ERCC8: variants seen among roughly 807,000 people sequenced by gnomAD.
ERCC8 encodes DNA excision repair protein ERCC-8.
In ERCC8, 52 loss-of-function variants were observed where a neutral mutation model predicts 54.9. The observed-to-expected ratio is 0.95, with a 90% confidence interval of 0.76 to 1.19. The LOEUF is 1.19. Among genes scored for constraint, ERCC8 ranks in the 50% most tolerant of loss-of-function variants. The pLI, the probability that ERCC8 is intolerant of heterozygous loss-of-function variation, is 0.00. For missense variants in ERCC8, 514 were observed against 466.1 expected (o/e 1.10, Z -0.95); for synonymous variants, 146 against 157.2 (o/e 0.93, Z 0.53).
At chr5:60,934,897 T>G (rs1480679248) in intron 1 of ERCC8, among the ~76,000 whole-genome samples, 1 of 152,224 alleles carries the variant, frequency 6.6e-6, no homozygotes, top group Non-Finnish European at 1.5e-5. Flanking sequence ...TACTTGTGGG[T>G]TCTCCACTCT....
chr5:60,932,500 CTCTAATGAGCT>C (rs747315380), intron 1 of ERCC8, among the ~76,000 whole-genome samples: 6 of 152,160 alleles, frequency 3.9e-5, no homozygotes, highest in Non-Finnish European at 5.9e-5. Context: ...AACATTGAGT[CTCTAATGAGCT>C]TCCCTGATAG....
chr5:60,899,377 G>A (rs1347374313), intron 8 of ERCC8, among the ~76,000 whole-genome samples: 1 of 151,922 alleles, frequency 6.6e-6, no homozygotes, highest in Non-Finnish European at 1.5e-5. Flanking sequence ...AGTAAAGCAA[G>A]TTAATTCACA....
intron 2 of ERCC8, chr5:60,924,258 A>G (rs920234836): frequency 6.6e-6 from 1 of 152,604 alleles, no homozygotes; most frequent in Non-Finnish European, 1.5e-5. Flanking sequence ...ACATTTATAT[A>G]AAGTGTTGCT....
chr5:60,939,643 C>T (rs771877637), intron 1 of ERCC8, among the ~76,000 whole-genome samples: 108 of 151,946 alleles, frequency 7.1e-4, no homozygotes, highest in African/African-American at 2.3e-3. Context: ...TGCCACCGCA[C>T]CCGGAGCACG....
intron 11 of ERCC8, among the ~76,000 whole-genome samples, chr5:60,883,149 A>G (rs1748295333): frequency 6.6e-6 from 1 of 152,238 alleles, no homozygotes; most frequent in South Asian, 2.1e-4. Flanking sequence ...TTATTTTTGT[A>G]TGGTAAGCAA....
At position 60,890,957 on chromosome 5, in the gene ERCC8, C is replaced by T. The variant is rs1029101745; in HGVS notation, c.973G>A (p.Glu325Lys). The stretch of plus-strand genomic sequence containing the variant: ...TGTCCCTTAAGCATAGTTATCTGTT[C>T]TCCTGAGTAAACTGTATAAACAGCA... ...TIAVYTVYSG[E>K]QITMLKGHYK... The change falls in exon 10 of 12, where the codon GAA becomes AAA. Residue 325 changes from glutamate to lysine, a missense_variant. Transcript: ENST00000676185. The T allele has an allele frequency of 7.4e-6, 12 of 1,613,416 alleles. No individual in the cohort carries two copies. The African/African-American group carries it at 1.5e-4, about 20-fold the overall frequency.
chr5:60,910,905 C>T (rs1749238380), intron 4 of ERCC8, among the ~76,000 whole-genome samples: 2 of 151,880 alleles, frequency 1.3e-5, no homozygotes, highest in African/African-American at 4.8e-5. Context: ...CAATGTTGAA[C>T]AGAGGAAATA....
chr5:60,888,014 C>T (rs948359792), intron 10 of ERCC8, among the ~76,000 whole-genome samples: 4 of 152,162 alleles, frequency 2.6e-5, no homozygotes, highest in Admixed American at 2.6e-4. Flanking sequence ...GAGAAGTTTA[C>T]TTCATAAGGG....
chr5:60,881,475 C>T (rs4546327), intron 11 of ERCC8, among the ~76,000 whole-genome samples: 19,831 of 152,126 alleles, frequency 0.13, 1,638 homozygotes, highest in African/African-American at 0.23. Context: ...CTACAGAGGC[C>T]GGCAGGCCTC....
At chr5:60,913,573 TTTTGGTGACTCTA>T (rs767017619) in intron 4 of ERCC8, among the ~76,000 whole-genome samples, 94 of 152,268 alleles carry the variant, frequency 6.2e-4, no homozygotes, top group Non-Finnish European at 1.2e-3. Flanking sequence ...TTTGAAGGGT[TTTTGGTGACTCTA>T]CTTCCTTCAG....
At position 60,873,085 on chromosome 5, in the gene ERCC8, C is replaced by A. The variant is rs1016364866; in HGVS notation, c.*1530G>T. ...AAAAGGGGGAATTAGTGCAAGAGAC[C>A]TATTGCACAACATAGTAACTATAGT... On this transcript the variant is annotated 3_prime_UTR_variant, in exon 12 of 12. Transcript: ENST00000676185. 6.6e-6 allele frequency among the ~76,000 whole-genome samples: 1 copy of A among 152,020 alleles called. No individual in the cohort carries two copies. The highest frequency in any genetic ancestry group is 2.4e-5 in the African/African-American group (1 of 41,380).
rs115033096 is a variant in ERCC8 at position 60,929,190 on chromosome 5, C to T, written c.78-231G>A. The stretch of plus-strand genomic sequence containing the variant: ...AGGTATTTAAAGACGGAAATTTGTA[C>T]GAAAAAAGTTAAATTCTGATAAATG... On this transcript the variant is annotated intron_variant, in intron 1 of 11. Transcript: ENST00000676185. Among the ~76,000 whole-genome samples the T allele has an allele frequency of 5.1e-3, 773 of 151,828 alleles. 10 individuals are homozygous for T. The highest frequency in any genetic ancestry group is 0.018 in the African/African-American group (753 of 41,366).
intron 6 of ERCC8, among the ~76,000 whole-genome samples, chr5:60,902,726 T>C (rs1748939510): frequency 6.6e-6 from 1 of 152,022 alleles, no homozygotes; most frequent in South Asian, 2.1e-4. Flanking sequence ...AAGAACTGGT[T>C]TTGCTTTGGA....
rs1225820585 is a variant in ERCC8 at position 60,869,347 on chromosome 5, A to G, written c.*5268T>C. On this transcript the variant is annotated 3_prime_UTR_variant, in exon 12 of 12. Coordinates refer to ENST00000676185, the MANE Select transcript of ERCC8 (RefSeq NM_000082.4). Reference sequence around the variant, plus strand: ...TAATTGAGATTAGTTTGCTGATGCAATATTTTTCTACCACTGTCTCATTTC... The same window carrying G: ...TAATTGAGATTAGTTTGCTGATGCAGTATTTTTCTACCACTGTCTCATTTC... Among the ~76,000 whole-genome samples, 2 of 152,164 alleles carry G rather than the reference A, an allele frequency of 1.3e-5. No homozygotes were observed. Among genetic ancestry groups the G allele is most frequent in the Non-Finnish European group, 2.9e-5 (2 of 68,020 alleles).
chr5:60,884,525 T>C (rs1181775314), intron 11 of ERCC8, among the ~76,000 whole-genome samples: 2 of 61,702 alleles, frequency 3.2e-5, no homozygotes, highest in East Asian at 8.1e-3. Flanking sequence ...GTGTATGTGT[T>C]TTTTTTTTTT....
rs199968351 is a variant in ERCC8, at chr5:60,945,011, C to A, written c.-3G>T. 1 of 1,613,364 alleles carries A rather than the reference C, an allele frequency of 6.2e-7. No homozygotes were observed. The highest frequency in any genetic ancestry group is 2.2e-5 in the East Asian group (1 of 44,858). On this transcript the variant is annotated 5_prime_UTR_variant, in exon 1 of 12. Transcript: ENST00000676185. ...CGTGCGGACAAAAACCCCAGCATAT[C>A]GTGTCCTCACACCGGCTGGAGCACT...
chr5:60,904,648 AT>A lies in ERCC8; in HGVS notation c.481+143del. 4.7e-5 allele frequency: 4 copies of A among 85,924 alleles called. 2 individuals carry two copies. Among genetic ancestry groups the A allele is most frequent in the African/African-American group, 1.4e-4 (2 of 14,232 alleles). 5.3% of individuals were successfully genotyped at this position (85,924 alleles called of 1,614,324 possible). On this transcript the variant is annotated intron_variant, in intron 5 of 11. Coordinates refer to ENST00000676185, the MANE Select transcript of ERCC8 (RefSeq NM_000082.4). ...TGTGTGTGTGTGTATATATATATATATATATATATATATATATATATATATA... is the reference window on the plus strand; with the variant it reads ...TGTGTGTGTGTGTATATATATATATAATATATATATATATATATATATATA...
intron 1 of ERCC8, among the ~76,000 whole-genome samples, chr5:60,939,070 A>T (rs537688724): frequency 1.3e-5 from 2 of 152,296 alleles, no homozygotes; most frequent in South Asian, 4.1e-4. Context: ...CAGCCTGTTC[A>T]CCTTTGTTAT....
In ERCC8 at chr5:60,867,385, G is replaced by C. The variant is rs1433888171; in HGVS notation, c.*7230C>G. ...TTCTCCTGCCTCTGATGCCCAAAGT[G>C]CTGGGTTTACAGGTGTGAGCCACTG... On this transcript the variant is annotated 3_prime_UTR_variant, in exon 12 of 12. Transcript: ENST00000676185. Among the ~76,000 whole-genome samples the C allele has an allele frequency of 6.6e-6, 1 of 152,100 alleles. No individual in the cohort carries two copies. The highest frequency in any genetic ancestry group is 1.5e-5 in the Non-Finnish European group (1 of 68,028).
Sources: gnomAD v4.1 joint callset for allele counts (sites outside exome capture counted in the v4.1 genomes callset) on GRCh38, gnomAD v4.1.1 for gene constraint, MANE v1.5 for transcripts, NCBI Gene and HGNC (gene_info 2026-07-23, HGNC 2026-07-21) for gene names.